The following CHD2 variants were observed in gnomAD, a reference collection of about 807,000 sequenced individuals.
CHD2 encodes ATP-dependent chromatin remodeler CHD2.
A neutral mutation model predicts 243.9 loss-of-function variants in CHD2; 28 were observed. The observed-to-expected ratio is 0.11, with a 90% CI of 0.09 to 0.16. CHD2 has a LOEUF of 0.16. Among genes scored for constraint, CHD2 ranks in the 10% least tolerant of loss-of-function variants. The probability of loss-of-function intolerance (pLI) is 1.00; values close to 1 mark genes in which losing one functional copy is unlikely to be tolerated. For missense variants in CHD2, 1,386 were observed against 2,209.8 expected (o/e 0.63, Z 7.47); for synonymous variants, 775 against 779.0 (o/e 0.99, Z 0.09).
intron 26 of CHD2, among the ~76,000 whole-genome samples, chr15:92,988,891 CAGACTTTTT>C (rs1334271369): frequency 6.6e-6 from 1 of 151,876 alleles, no homozygotes; most frequent in Non-Finnish European, 1.5e-5. Flanking sequence ...ATTCTCTAGG[CAGACTTTTT>C]TTAACTCTTG....
intron 14 of CHD2, among the ~76,000 whole-genome samples, chr15:92,954,903 T>G (rs2053599738): frequency 6.6e-6 from 1 of 152,234 alleles, no homozygotes; most frequent in African/African-American, 2.4e-5. Context: ...CTCATCTTTG[T>G]GTTCTTTTAC....
chr15:92,914,716 A>G (rs555939284), intron 2 of CHD2, among the ~76,000 whole-genome samples: 3 of 152,332 alleles, frequency 2.0e-5, no homozygotes, highest in African/African-American at 7.2e-5. Flanking sequence ...TCTGCTGTCA[A>G]AAGACAACAT....
Position 92,900,677 on chromosome 15 carries a change from T to G in CHD2, c.-219T>G. On this transcript the variant is annotated 5_prime_UTR_variant, in exon 1 of 39. It adds an upstream start codon to the 5' untranslated region. Coordinates refer to ENST00000394196, the MANE Select transcript of CHD2 (RefSeq NM_001271.4). Reference sequence around the variant, plus strand: ...GTTTTAGTATTAATTATTGCTTTATTTTTTTGACCAGTTAACATATTTGAG... The same window carrying G: ...GTTTTAGTATTAATTATTGCTTTATGTTTTTGACCAGTTAACATATTTGAG... 1 of 398,616 alleles carries G rather than the reference T, an allele frequency of 2.5e-6. No individual in the cohort carries two copies. The highest frequency in any genetic ancestry group is 4.4e-5 in the Admixed American group (1 of 22,726). The allele number at this position is 398,616 out of a possible 1,614,324, so 24.7% of individuals were successfully genotyped here.
At chr15:93,014,085 A>G (rs2054428503) in intron 36 of CHD2, among the ~76,000 whole-genome samples, 1 of 152,200 alleles carries the variant, frequency 6.6e-6, no homozygotes, top group Non-Finnish European at 1.5e-5. Context: ...GAAGTGAAAA[A>G]TGAATACCAA....
At position 92,955,501 on chromosome 15, in the gene CHD2, T is replaced by C; in HGVS notation, c.1798T>C (p.Leu600=). 1 of 1,592,794 alleles carries C rather than the reference T, an allele frequency of 6.3e-7. No individual in the cohort carries two copies. Among genetic ancestry groups the C allele is most frequent in the Non-Finnish European group, 8.5e-7 (1 of 1,171,948 alleles). The part of the protein sequence containing the change: ...NALITTYEIL[L]KDKTVLGSIN... Reference sequence around the variant, plus strand: ...ACTTATAACAACATATGAGATCCTCTTGAAAGATAAGGTGTGTAATTAATA... The same window carrying C: ...ACTTATAACAACATATGAGATCCTCCTGAAAGATAAGGTGTGTAATTAATA... Residue 600 remains leucine, a synonymous_variant, in exon 15 of 39, where the codon TTG becomes CTG. Transcript: ENST00000394196.
At chr15:92,990,894 A>T (rs1007389565) in intron 26 of CHD2, among the ~76,000 whole-genome samples, 2 of 152,154 alleles carry the variant, frequency 1.3e-5, no homozygotes, top group Non-Finnish European at 2.9e-5. Context: ...TTGCAGGAAG[A>T]TAGATTGGAT....
At chr15:92,951,560 A>ATTCCTG (rs1403534189) in intron 13 of CHD2, among the ~76,000 whole-genome samples, 22 of 152,336 alleles carry the variant, frequency 1.4e-4, no homozygotes, top group South Asian at 6.2e-4. Flanking sequence ...ATGTTACTAC[A>ATTCCTG]TTACATAATG....
chr15:93,020,438 A>G (rs888824732), intron 38 of CHD2, 180 bp downstream of exon 38: 20 of 725,902 alleles, frequency 2.8e-5, no homozygotes, highest in African/African-American at 5.3e-5. Context: ...TTTGTGGGTC[A>G]TAGGGAGCAC....
At chr15:92,918,350 T>G (rs902218605) in intron 2 of CHD2, among the ~76,000 whole-genome samples, 1 of 152,190 alleles carries the variant, frequency 6.6e-6, no homozygotes, top group Non-Finnish European at 1.5e-5. Context: ...TTGACTTGTT[T>G]TTTTATCTGT....
intron 20 of CHD2, among the ~76,000 whole-genome samples, chr15:92,976,572 T>G (rs1185089140): frequency 6.6e-6 from 1 of 151,424 alleles, no homozygotes; most frequent in Non-Finnish European, 1.5e-5. Context: ...CTTAGCACTT[T>G]GGGAGGCCAA....
At chr15:93,008,633 C>T (rs1379682920) in intron 34 of CHD2, among the ~76,000 whole-genome samples, 1 of 152,078 alleles carries the variant, frequency 6.6e-6, no homozygotes, top group African/African-American at 2.4e-5. Flanking sequence ...GTGGGCTTGT[C>T]TCTTTTAAGG....
intron 2 of CHD2, chr15:92,914,944 C>T (rs1417644104): frequency 6.6e-6 from 1 of 152,186 alleles, no homozygotes; most frequent in Non-Finnish European, 1.5e-5. Flanking sequence ...GCAGAGGGAA[C>T]TTCCTTATGC....
chr15:92,957,585 T>G (rs1287020728), intron 16 of CHD2, among the ~76,000 whole-genome samples: 1 of 152,144 alleles, frequency 6.6e-6, no homozygotes, highest in African/African-American at 2.4e-5. Flanking sequence ...TTGTCTAGAA[T>G]AGCACCTGGT....
intron 17 of CHD2, among the ~76,000 whole-genome samples, chr15:92,968,417 A>G (rs946994865): frequency 2.6e-5 from 4 of 152,230 alleles, no homozygotes; most frequent in East Asian, 1.9e-4. Context: ...CTGTATACTC[A>G]TAAGTAAGTG....
At chr15:92,917,389 T>C (rs2052860738) in intron 2 of CHD2, among the ~76,000 whole-genome samples, 1 of 152,146 alleles carries the variant, frequency 6.6e-6, no homozygotes, top group South Asian at 2.1e-4. Context: ...TGAAACCCTG[T>C]CTCTACTAAA....
intron 5 of CHD2, among the ~76,000 whole-genome samples, chr15:92,936,037 A>T (rs1003244837): frequency 5.9e-5 from 9 of 152,032 alleles, no homozygotes; most frequent in Non-Finnish European, 1.3e-4. Flanking sequence ...GGACCCATCT[A>T]CTGGGGAAAT....
At chr15:92,986,377 T>TA (rs2054042865) in intron 26 of CHD2, among the ~76,000 whole-genome samples, 1 of 152,172 alleles carries the variant, frequency 6.6e-6, no homozygotes, top group South Asian at 2.1e-4. Context: ...ATAATTATAT[T>TA]AAATAGTCCT....
chr15:92,981,634 C>G (rs1032422482), intron 24 of CHD2, among the ~76,000 whole-genome samples, 177 bp downstream of exon 24: 1 of 152,134 alleles, frequency 6.6e-6, no homozygotes, highest in African/African-American at 2.4e-5. Context: ...CTACAGTCCG[C>G]ACGAAGGTAA....
At chr15:92,963,117 T>C (rs758416413) in intron 16 of CHD2, among the ~76,000 whole-genome samples, 4 of 152,250 alleles carry the variant, frequency 2.6e-5, no homozygotes, top group Non-Finnish European at 5.9e-5. Flanking sequence ...TGTACCTTTT[T>C]TATCCAGGCA....
Sources: allele counts gnomAD v4.1 joint callset (sites outside exome capture counted in the v4.1 genomes callset), GRCh38; gene constraint gnomAD v4.1.1; transcripts MANE v1.5; gene names NCBI Gene and HGNC (gene_info 2026-07-23, HGNC 2026-07-21).